GRHL2: variants seen among roughly 807,000 people sequenced by gnomAD.
GRHL2 encodes the protein grainyhead like transcription factor 2.
GRHL2 carries 21 observed loss-of-function variants against 83.8 expected under a neutral mutation model. The observed-to-expected ratio is 0.25, with a 90% CI of 0.18 to 0.36. The LOEUF (loss-of-function observed/expected upper bound fraction) is 0.36, where lower values mean the gene tolerates loss of function less well. GRHL2 is among the 10% of genes least tolerant of loss of function. The probability of loss-of-function intolerance (pLI) is 1.00; values close to 1 mark genes in which losing one functional copy is unlikely to be tolerated. For synonymous variants in GRHL2, 280 were observed against 278.9 expected (o/e 1.00, Z -0.04); for missense variants, 623 against 781.8 (o/e 0.80, Z 2.42).
At chr8:101,577,647 T>C (rs921125782) in intron 7 of GRHL2, 128 bp downstream of exon 7, 6 of 717,854 alleles carry the variant, frequency 8.4e-6, no homozygotes, top group African/African-American at 1.7e-5. Flanking sequence ...GGCACTAGTC[T>C]ATGTCAGGAC....
intron 4 of GRHL2, among the ~76,000 whole-genome samples, chr8:101,559,923 T>C (rs998489857): frequency 2.0e-5 from 3 of 152,218 alleles, no homozygotes; most frequent in Non-Finnish European, 4.4e-5. Flanking sequence ...TTCATGTAAA[T>C]GAAGTGATAG....
chr8:101,622,563 T>A (rs1466057565), intron 9 of GRHL2, among the ~76,000 whole-genome samples: 1 of 152,162 alleles, frequency 6.6e-6, no homozygotes, highest in Non-Finnish European at 1.5e-5. Flanking sequence ...GAGAAATAAG[T>A]TGACTAACTG....
intron 7 of GRHL2, among the ~76,000 whole-genome samples, chr8:101,587,979 A>C (rs1812202404): frequency 6.6e-6 from 1 of 152,232 alleles, no homozygotes; most frequent in African/African-American, 2.4e-5. Flanking sequence ...TTTCAAAATT[A>C]AATTAAACTC....
At chr8:101,628,770 C>T (rs994415308) in intron 9 of GRHL2, among the ~76,000 whole-genome samples, 1 of 152,010 alleles carries the variant, frequency 6.6e-6, no homozygotes, top group Non-Finnish European at 1.5e-5. Context: ...CCAGCCCTCA[C>T]GGATGACTTT....
At chr8:101,673,918 T>G (rs554750549), downstream of GRHL2, among the ~76,000 whole-genome samples, 21 of 152,136 alleles carry the variant, frequency 1.4e-4, no homozygotes, top group South Asian at 4.4e-3. Flanking sequence ...CAAAACCGCT[T>G]GACTACATGG....
chr8:101,674,846 A>C, the GRHL2 span, among the ~76,000 whole-genome samples: 24 of 152,246 alleles, frequency 1.6e-4, no homozygotes, highest in South Asian at 2.1e-3. Flanking sequence ...AGCACATCAA[A>C]AAGCTTATCC....
the GRHL2 span, among the ~76,000 whole-genome samples, chr8:101,677,331 G>A: frequency 6.6e-6 from 1 of 151,992 alleles, no homozygotes; most frequent in African/African-American, 2.4e-5. Context: ...TCTGCCATGG[G>A]TTGTAGGTGT....
chr8:101,674,564 C>G (rs1237020481), downstream of GRHL2, among the ~76,000 whole-genome samples: 1 of 152,116 alleles, frequency 6.6e-6, no homozygotes, highest in Admixed American at 6.5e-5. Flanking sequence ...AGGCAGTAAT[C>G]AATAGCTTAC....
rs117824759 is a variant in GRHL2 at position 101,664,280 on chromosome 8, A to C, written c.1699-174A>C. On this transcript the variant is annotated intron_variant, in intron 14 of 15. Coordinates refer to ENST00000646743, the MANE Select transcript of GRHL2 (RefSeq NM_024915.4). ...GGCTGGGTTTTTTGTTGAATGATTT[A>C]AAGTCTATCCAAAGGGAGAGGCTCA... is the stretch of plus-strand genomic sequence containing the variant. Among the ~76,000 whole-genome samples, 582 of 152,324 alleles carry C rather than the reference A, an allele frequency of 3.8e-3. 9 individuals are homozygous for C. In the East Asian group the frequency reaches 0.058, roughly 15 times the overall value.
Position 101,666,833 on chromosome 8 carries a change from G to C in GRHL2, c.*130G>C. 8 of 719,224 alleles carry C rather than the reference G, an allele frequency of 1.1e-5. No homozygotes were observed. The highest frequency in any genetic ancestry group is 2.0e-5 in the Non-Finnish European group (8 of 392,626). The allele number at this position is 719,224 out of a possible 1,614,324, so 44.6% of individuals were successfully genotyped here. A position where few individuals can be genotyped will look rare whatever the true frequency, so the allele number is the denominator to read the frequency against. On this transcript the variant is annotated 3_prime_UTR_variant, in exon 16 of 16. Coordinates refer to ENST00000646743, the MANE Select transcript of GRHL2 (RefSeq NM_024915.4). ...CAACTGCTGTTACAAGACCGTGCTG[G>C]GGAGTGGGGCAAGGGACAGGCCCCA... is the stretch of plus-strand genomic sequence containing the variant.
chr8:101,518,613 T>C (rs1305503298), intron 1 of GRHL2, among the ~76,000 whole-genome samples: 1 of 152,192 alleles, frequency 6.6e-6, no homozygotes, highest in Non-Finnish European at 1.5e-5. Flanking sequence ...TCCCTGCTCA[T>C]CACCCATGCC....
intron 1 of GRHL2, among the ~76,000 whole-genome samples, chr8:101,519,207 G>A (rs1810632141): frequency 6.6e-6 from 1 of 150,772 alleles, no homozygotes; most frequent in African/African-American, 2.4e-5. Context: ...TTAATTTTAA[G>A]AGATAGGGTC....
At chr8:101,594,265 G>A (rs1812348834) in intron 7 of GRHL2, among the ~76,000 whole-genome samples, 1 of 152,034 alleles carries the variant, frequency 6.6e-6, no homozygotes, top group Admixed American at 6.6e-5. Flanking sequence ...GTTGTTCAAA[G>A]CCACCATGTT....
At chr8:101,499,250 C>A (rs1320139341) in intron 1 of GRHL2, among the ~76,000 whole-genome samples, 2 of 152,202 alleles carry the variant, frequency 1.3e-5, no homozygotes, top group Non-Finnish European at 2.9e-5. Flanking sequence ...ATAATTCAGG[C>A]AACTGCCTCA....
chr8:101,534,969 G>A (rs1051910943), intron 1 of GRHL2, among the ~76,000 whole-genome samples: 3 of 152,224 alleles, frequency 2.0e-5, no homozygotes, highest in East Asian at 1.9e-4. Flanking sequence ...ACTACTCTGT[G>A]TCTAGTGCTC....
At chr8:101,619,781 C>A in intron 9 of GRHL2, 84 bp downstream of exon 9, 2 of 1,046,480 alleles carry the variant, frequency 1.9e-6, no homozygotes, top group Non-Finnish European at 2.9e-6. Flanking sequence ...GTCACCTTTG[C>A]TTGTCTAGTG....
intron 5 of GRHL2, 148 bp downstream of exon 5, chr8:101,570,542 A>G: frequency 1.4e-6 from 1 of 714,506 alleles, no homozygotes; most frequent in South Asian, 1.6e-5. Flanking sequence ...TTCTTTATAC[A>G]AAGGACTTCT....
intron 14 of GRHL2, among the ~76,000 whole-genome samples, chr8:101,660,712 A>G (rs1465313680): frequency 2.0e-5 from 3 of 152,148 alleles, no homozygotes; most frequent in Non-Finnish European, 4.4e-5. Flanking sequence ...TAAATTTTCC[A>G]AATTCCTGAA....
intron 7 of GRHL2, among the ~76,000 whole-genome samples, chr8:101,593,791 C>A (rs1388057698): frequency 1.3e-5 from 2 of 151,912 alleles, no homozygotes; most frequent in South Asian, 4.2e-4. Flanking sequence ...ACAGGCTGGG[C>A]ATGGTGGCTC....
Sources: allele counts gnomAD v4.1 joint callset (sites outside exome capture counted in the v4.1 genomes callset), GRCh38; gene constraint gnomAD v4.1.1; transcripts MANE v1.5; gene names NCBI Gene and HGNC (gene_info 2026-07-23, HGNC 2026-07-21).